TMF1: variants seen among roughly 807,000 people sequenced by gnomAD.
TMF1 encodes the protein TATA element modulatory factor 1, also known as TATA element modulatory factor.
In TMF1, 71 loss-of-function variants were observed where a neutral mutation model predicts 126.5. That is an observed-to-expected ratio of 0.56 (90% CI 0.46 to 0.68). The LOEUF (loss-of-function observed/expected upper bound fraction) is 0.68, where lower values mean the gene tolerates loss of function less well. Among genes scored for constraint, TMF1 ranks in the 30% least tolerant of loss-of-function variants. The pLI is 0.00. For synonymous variants in TMF1, 461 were observed against 430.5 expected (o/e 1.07, Z -0.88); for missense variants, 1,259 against 1,253.2 (o/e 1.00, Z -0.07).
rs974372651 is a variant in TMF1, at chr3:69,020,259, A to C, written c.*2918T>G. ...ATGTTTCCTAGGTCAGAAGTTATCC[A>C]CATTTAGAATATCTTAAGTCACAAC... On this transcript the variant is annotated 3_prime_UTR_variant, in exon 17 of 17. Coordinates refer to ENST00000398559, the MANE Select transcript of TMF1 (RefSeq NM_007114.3). 2 of 152,146 alleles carry C rather than the reference A, an allele frequency of 1.3e-5. No individual in the cohort carries two copies. The highest frequency in any genetic ancestry group is 2.9e-5 in the Non-Finnish European group (2 of 67,988). The allele number at this position is 152,146 out of a possible 1,614,324, so 9.4% of individuals were successfully genotyped here. A position where few individuals can be genotyped will look rare whatever the true frequency, so the allele number is the denominator to read the frequency against.
intron 15 of TMF1, chr3:69,025,210 T>A (rs1357933460): frequency 5.3e-6 from 1 of 187,320 alleles, no homozygotes; most frequent in African/African-American, 2.4e-5. Flanking sequence ...CCCTTTATTC[T>A]GTTGGGAAAG....
chr3:69,023,947 C>G, intron 16 of TMF1, 108 bp downstream of exon 16: 2 of 1,083,844 alleles, frequency 1.8e-6, no homozygotes, highest in Non-Finnish European at 2.5e-6. Flanking sequence ...TATTAGTACT[C>G]TTTAATTTTC....
intron 16 of TMF1, among the ~76,000 whole-genome samples, chr3:69,023,640 A>G (rs928205019): frequency 6.6e-6 from 1 of 152,108 alleles, no homozygotes; most frequent in South Asian, 2.1e-4. Flanking sequence ...CCATGGTGGT[A>G]TAAGTATTAC....
chr3:69,051,951 C>T lies in TMF1; in HGVS notation c.136G>A (p.Glu46Lys), dbSNP rs773673201. The stretch of plus-strand genomic sequence containing the variant: ...CCGCTCCTCTCTCTCTTACCCGGCT[C>T]TCCATACGGAATGGTCTCGGCCCAG... ...SIWAETIPYG[E>K]PGISSPVSGG... The change falls in exon 1 of 17, where the codon GAG becomes AAG. Residue 46 changes from glutamate to lysine, a missense_variant. By Grantham distance (56) the Glu-to-Lys change is moderately conservative. Transcript: ENST00000398559. 1 of 1,613,414 alleles carries T rather than the reference C, an allele frequency of 6.2e-7. No homozygotes were observed. Among genetic ancestry groups the T allele is most frequent in the South Asian group, 1.1e-5 (1 of 91,008 alleles).
At chr3:69,051,250 G>A (rs949670053) in intron 1 of TMF1, among the ~76,000 whole-genome samples, 1 of 152,164 alleles carries the variant, frequency 6.6e-6, no homozygotes, top group African/African-American at 2.4e-5. Context: ...GCCGAGGTGG[G>A]TGGATCGCCT....
rs375612774 is a variant in TMF1 at position 69,052,009 on chromosome 3, C to T, written c.78G>A (p.Arg26=). 1 of 1,613,918 alleles carries T rather than the reference C, an allele frequency of 6.2e-7. No homozygotes were observed. Among genetic ancestry groups the T allele is most frequent in the African/African-American group, 1.3e-5 (1 of 74,926 alleles). Residue 26 remains arginine (R), a synonymous_variant, in exon 1 of 17, where the codon AGG becomes AGA. Transcript: ENST00000398559. ...ALSQAQKSID[R]VLDIQEEEPS... ...GCTCCTCTTCCTGGATGTCCAGAACCCTGTCAATAGACTTCTGGGCCTGGG... is the reference window on the plus strand; with the variant it reads ...GCTCCTCTTCCTGGATGTCCAGAACTCTGTCAATAGACTTCTGGGCCTGGG...
In TMF1 at chr3:69,023,152, T is replaced by A; in HGVS notation, c.*25A>T. On this transcript the variant is annotated 3_prime_UTR_variant, in exon 17 of 17. Coordinates refer to ENST00000398559, the MANE Select transcript of TMF1 (RefSeq NM_007114.3). Reference sequence around the variant, plus strand: ...TAGATATTAAATGCTTACATTCAGTTTGATGGGAATTCAATTTTCACAAGT... The same window carrying A: ...TAGATATTAAATGCTTACATTCAGTATGATGGGAATTCAATTTTCACAAGT... 1 of 1,595,530 alleles carries A rather than the reference T, an allele frequency of 6.3e-7. No homozygotes were observed.
At chr3:69,044,851 T>C (rs1018385265) in intron 2 of TMF1, among the ~76,000 whole-genome samples, 2 of 152,184 alleles carry the variant, frequency 1.3e-5, no homozygotes, top group African/African-American at 4.8e-5. Context: ...CAATATCTAG[T>C]TGGGGATCTA....
At chr3:69,048,871 GTA>G in intron 1 of TMF1, 1 of 228,708 alleles carries the variant, frequency 4.4e-6, no homozygotes, top group South Asian at 1.1e-4. Flanking sequence ...GGAAGTAACA[GTA>G]TATGTTTTAT....
At position 69,025,632 on chromosome 3, in the gene TMF1, T is replaced by C. The variant is rs377176964; in HGVS notation, c.2940A>G (p.Gly980=). The C allele has an allele frequency of 1.4e-4, 232 of 1,614,108 alleles. 2 individuals carry two copies. The highest frequency in any genetic ancestry group is 9.4e-4 in the South Asian group (86 of 91,076). The part of the protein sequence containing the change: ...GSNLYDAVRM[G]AGSSIIENLQ... ...GGTTTTCAATTATGCTTGATCCTGC[T>C]CCCATCCTTACAGCATCATAAAGAT... is the stretch of plus-strand genomic sequence containing the variant. The change falls in exon 15 of 17, where the codon GGA becomes GGG. Residue 980 remains glycine (G), a synonymous_variant. Coordinates refer to ENST00000398559, the MANE Select transcript of TMF1 (RefSeq NM_007114.3).
At chr3:69,038,047 T>C (rs956013449) in intron 8 of TMF1, among the ~76,000 whole-genome samples, 1 of 152,188 alleles carries the variant, frequency 6.6e-6, no homozygotes, top group Non-Finnish European at 1.5e-5. Flanking sequence ...TAAGGATATA[T>C]ATCTAGGAGA....
chr3:69,042,850 A>G lies in TMF1; in HGVS notation c.1641T>C (p.Leu547=). ...GGATCTGCTCATCTTTCTCTTTCAA[A>G]AGGTCTGCAGTTTCACTACTATTTA... ...TRLNSSETAD[L]LKEKDEQIRG... Residue 547 remains leucine, a synonymous_variant, in exon 5 of 17, where the codon CTT becomes CTC. Transcript: ENST00000398559. 1 of 1,613,636 alleles carries G rather than the reference A, an allele frequency of 6.2e-7. No homozygotes were observed. Among genetic ancestry groups the G allele is most frequent in the South Asian group, 1.1e-5 (1 of 91,048 alleles).
chr3:69,031,686 A>G lies in TMF1; in HGVS notation c.2402-1679T>C, dbSNP rs1467057467. Among the ~76,000 whole-genome samples, 4 of 152,206 alleles carry G rather than the reference A, an allele frequency of 2.6e-5. No individual in the cohort carries two copies. In the East Asian group the frequency reaches 7.7e-4, roughly 29 times the overall value. ...TAAGATTCTGAGATTTAACCTAGGT[A>G]AGAATTCTTGTATTTTTTCTCCACC... On this transcript the variant is annotated intron_variant, in intron 10 of 16. Transcript: ENST00000398559.
At chr3:69,035,137 A>G (rs1350014582) in intron 8 of TMF1, 22 bp from the exon 9 acceptor site, 1 of 1,583,902 alleles carries the variant, frequency 6.3e-7, no homozygotes. Flanking sequence ...GAAACAATAC[A>G]TTCACAAACA....
In TMF1 at chr3:69,038,891, A is replaced by C. The variant is rs368738500; in HGVS notation, c.1946T>G (p.Leu649Arg). 4.7e-5 allele frequency: 76 copies of C among 1,611,506 alleles called. No individual in the cohort carries two copies. In the African/African-American group the frequency reaches 9.1e-4, roughly 19 times the overall value. Reference sequence around the variant, plus strand: ...CTGAATACTTCGGTTCTTTTCTTCAAGTTCATCCATGTCTACCTGAAGACG... The same window carrying C: ...CTGAATACTTCGGTTCTTTTCTTCACGTTCATCCATGTCTACCTGAAGACG... ...LGRLQVDMDE[L>R]EEKNRSIQAA... The change falls in exon 7 of 17, where the codon CTT becomes CGT. Residue 649 changes from leucine to arginine, a missense_variant. Leu to Arg is a moderately radical substitution (Grantham distance 102). Transcript: ENST00000398559.
At chr3:69,051,233 T>G (rs2091926298) in intron 1 of TMF1, among the ~76,000 whole-genome samples, 1 of 152,014 alleles carries the variant, frequency 6.6e-6, no homozygotes. Flanking sequence ...TCCCAGCACT[T>G]TAGGAGGCCG....
chr3:69,040,405 C>G (rs542358942), intron 5 of TMF1: 1 of 152,220 alleles, frequency 6.6e-6, no homozygotes, highest in Non-Finnish European at 1.5e-5. Context: ...TCAAGGAAAA[C>G]GTACTTGCCC....
At chr3:69,037,746 C>A (rs1430827235) in intron 8 of TMF1, among the ~76,000 whole-genome samples, 5 of 151,838 alleles carry the variant, frequency 3.3e-5, no homozygotes, top group Non-Finnish European at 7.4e-5. Context: ...GCAGAGGTTG[C>A]AGTGAGCTGA....
At chr3:69,043,477 T>C (rs1471249901) in intron 4 of TMF1, among the ~76,000 whole-genome samples, 1 of 152,168 alleles carries the variant, frequency 6.6e-6, no homozygotes, top group Non-Finnish European at 1.5e-5. Context: ...GCTAACTTTA[T>C]GTATTTTTTA....
Sources: gnomAD v4.1 joint callset for allele counts (sites outside exome capture counted in the v4.1 genomes callset) on GRCh38, gnomAD v4.1.1 for gene constraint, MANE v1.5 for transcripts, NCBI Gene and HGNC (gene_info 2026-07-23, HGNC 2026-07-21) for gene names.